ERBB4: variants seen among roughly 807,000 people sequenced by gnomAD.
ERBB4 encodes receptor tyrosine-protein kinase erbB-4.
Under a neutral mutation model 158.0 loss-of-function variants are expected in ERBB4, and 42 were observed. That is an observed-to-expected ratio of 0.27 (90% CI 0.21 to 0.34). ERBB4 has a LOEUF of 0.34. Ranked by LOEUF, ERBB4 falls within the 10% of genes least tolerant of loss-of-function variation. The pLI, the probability that ERBB4 is intolerant of heterozygous loss-of-function variation, is 1.00. For missense variants in ERBB4, 1,333 were observed against 1,624.1 expected, an observed-to-expected ratio of 0.82 and a Z score of 3.08; for synonymous variants, 583 against 558.7, an observed-to-expected ratio of 1.04 and a Z score of -0.61.
At chr2:212,092,704 A>G (rs1056128087) in intron 2 of ERBB4, among the ~76,000 whole-genome samples, 22 of 152,178 alleles carry the variant, frequency 1.4e-4, no homozygotes, top group Non-Finnish European at 2.9e-4. Flanking sequence ...ATGCTTTCTT[A>G]GTGGAAGTAA....
chr2:212,153,495 T>C (rs1010664826), intron 1 of ERBB4, among the ~76,000 whole-genome samples: 2 of 152,152 alleles, frequency 1.3e-5, no homozygotes, highest in Non-Finnish European at 2.9e-5. Flanking sequence ...TGTGTCTAAG[T>C]AGGACACTTA....
At chr2:212,038,505 T>C (rs2077066234) in intron 2 of ERBB4, among the ~76,000 whole-genome samples, 1 of 152,150 alleles carries the variant, frequency 6.6e-6, no homozygotes, top group Non-Finnish European at 1.5e-5. Flanking sequence ...TGTTCAAAAA[T>C]GTATGTCTAA....
At chr2:211,676,097 T>A (rs2072060787) in intron 13 of ERBB4, among the ~76,000 whole-genome samples, 1 of 152,096 alleles carries the variant, frequency 6.6e-6, no homozygotes, top group Non-Finnish European at 1.5e-5. Context: ...ATGTTTCAAC[T>A]AGGAAGCAAT....
intron 2 of ERBB4, among the ~76,000 whole-genome samples, chr2:212,078,645 T>C (rs1010472378): frequency 1.3e-5 from 2 of 151,984 alleles, no homozygotes; most frequent in Non-Finnish European, 2.9e-5. Context: ...TCATTGTACA[T>C]ATTTCAATCA....
intron 20 of ERBB4, among the ~76,000 whole-genome samples, chr2:211,468,483 C>A (rs983629572): frequency 6.6e-6 from 1 of 152,038 alleles, no homozygotes. Context: ...GAGAACAGCA[C>A]CGTGCTTATA....
intron 1 of ERBB4, among the ~76,000 whole-genome samples, chr2:212,359,535 G>A (rs577626172): frequency 6.6e-6 from 1 of 151,832 alleles, no homozygotes; most frequent in African/African-American, 2.4e-5. Flanking sequence ...CAGAGGGCTG[G>A]CAAACACTGG....
intron 1 of ERBB4, among the ~76,000 whole-genome samples, chr2:212,183,685 C>T (rs977191485): frequency 1.3e-5 from 2 of 151,880 alleles, no homozygotes; most frequent in Admixed American, 1.3e-4. Flanking sequence ...TAAAAGTAGA[C>T]TATACAAGAT....
chr2:212,474,205 G>GAT (rs759582045), intron 1 of ERBB4, among the ~76,000 whole-genome samples: 9 of 147,852 alleles, frequency 6.1e-5, no homozygotes, highest in Non-Finnish European at 1.4e-4. Flanking sequence ...GCAAAATAGT[G>GAT]ATTTTTTTTT....
intron 20 of ERBB4, chr2:211,561,682 A>G (rs2067396630): frequency 1.8e-6 from 1 of 542,682 alleles, no homozygotes; most frequent in African/African-American, 1.9e-5. Flanking sequence ...CACCTAGTCA[A>G]TTCAATAAAA....
rs111972021 is a variant in ERBB4, at chr2:212,058,545, A to C, written c.234+66207T>G. On this transcript the variant is annotated intron_variant, in intron 2 of 27. Transcript: ENST00000342788. ...ACATCAATGCAAAAATCCTCAATAA[A>C]ATACTGGCAAACTGAATCCAGCAGC... 3.3e-5 allele frequency among the ~76,000 whole-genome samples: 5 copies of C among 152,202 alleles called. No individual in the cohort carries two copies. In the East Asian group the frequency reaches 5.8e-4, roughly 18 times the overall value.
chr2:211,579,656 G>C (rs1475369669), intron 19 of ERBB4, among the ~76,000 whole-genome samples: 1 of 152,102 alleles, frequency 6.6e-6, no homozygotes, highest in Non-Finnish European at 1.5e-5. Context: ...TAGAGATGTA[G>C]ATGGAACTAG....
At chr2:211,879,549 T>C (rs1391823668) in intron 3 of ERBB4, among the ~76,000 whole-genome samples, 1 of 152,210 alleles carries the variant, frequency 6.6e-6, no homozygotes. Flanking sequence ...ATGTACTATG[T>C]TAGGAGGATA....
rs145082002 is a variant in ERBB4 at position 212,262,460 on chromosome 2, A to G, written c.83-137557T>C. 5.7e-3 allele frequency among the ~76,000 whole-genome samples: 867 copies of G among 152,270 alleles called. 2 individuals are homozygous for G. The highest frequency in any genetic ancestry group is 7.9e-3 in the Non-Finnish European group (534 of 68,006). ...TTTAAATATTATGAAGAGAAGTACT[A>G]TGAAAGAAAAATCATGAAAAGAGAG... On this transcript the variant is annotated intron_variant, in intron 1 of 27. Coordinates refer to ENST00000342788, the MANE Select transcript of ERBB4 (RefSeq NM_005235.3).
At chr2:211,566,958 C>G (rs1031943834) in intron 19 of ERBB4, among the ~76,000 whole-genome samples, 1 of 152,154 alleles carries the variant, frequency 6.6e-6, no homozygotes. Flanking sequence ...TAGCAAGTAC[C>G]CTTGTTAAAG....
intron 1 of ERBB4, among the ~76,000 whole-genome samples, chr2:212,479,484 C>G (rs1689576910): frequency 6.6e-6 from 1 of 152,050 alleles, no homozygotes; most frequent in South Asian, 2.1e-4. Context: ...ACAAGAGCAC[C>G]CAATATTGAG....
In ERBB4 at chr2:212,257,613, C is replaced by T. The variant is rs188405929; in HGVS notation, c.83-132710G>A. Among the ~76,000 whole-genome samples the T allele has an allele frequency of 2.1e-4, 32 of 152,088 alleles. No individual in the cohort carries two copies. The East Asian group carries it at 4.3e-3, about 20-fold the overall frequency. ...TGTTAATACCCTAAGCAGTAAGACC[C>T]GAAACTTTAACCACCCTGCTCAATG... On this transcript the variant is annotated intron_variant, in intron 1 of 27. Transcript: ENST00000342788.
intron 2 of ERBB4, among the ~76,000 whole-genome samples, chr2:212,080,569 T>A (rs576721812): frequency 6.7e-6 from 1 of 150,190 alleles, no homozygotes; most frequent in African/African-American, 2.5e-5. Context: ...TTAAAGACCA[T>A]AGCCTCAGAG....
chr2:212,245,754 T>C, intron 1 of ERBB4, among the ~76,000 whole-genome samples: 1 of 152,096 alleles, frequency 6.6e-6, no homozygotes. Flanking sequence ...CTGCCAATCT[T>C]ATAACCTGGC....
intron 20 of ERBB4, among the ~76,000 whole-genome samples, chr2:211,433,385 T>A (rs2063784794): frequency 6.6e-6 from 1 of 151,660 alleles, no homozygotes; most frequent in African/African-American, 2.4e-5. Context: ...ATCGAGACCA[T>A]CCTGGCTAAC....
Sources: allele counts gnomAD v4.1 joint callset (sites outside exome capture counted in the v4.1 genomes callset), GRCh38; gene constraint gnomAD v4.1.1; transcripts MANE v1.5; gene names NCBI Gene and HGNC (gene_info 2026-07-23, HGNC 2026-07-21).